The following RRP1B variants were observed in gnomAD, a reference collection of about 807,000 sequenced individuals.
RRP1B encodes ribosomal RNA processing protein 1 homolog B.
Under a neutral mutation model 80.2 loss-of-function variants are expected in RRP1B, and 56 were observed. The ratio of observed to expected loss-of-function variants is 0.70; its 90% confidence interval spans 0.56 to 0.87. RRP1B has a LOEUF of 0.87. Among genes scored for constraint, RRP1B ranks in the 40% least tolerant of loss-of-function variants. The pLI is 0.00. For missense variants in RRP1B, 807 were observed against 939.8 expected (o/e 0.86, Z 1.85); for synonymous variants, 351 against 357.6 (o/e 0.98, Z 0.21).
chr21:43,688,291 G>C (rs1184638389), intron 13 of RRP1B, 51 bp downstream of exon 13: 1 of 1,475,298 alleles, frequency 6.8e-7, no homozygotes, highest in Non-Finnish European at 9.0e-7. Flanking sequence ...ACTCACTCGC[G>C]TCCATGGGGC....
chr21:43,659,568 T>G lies in RRP1B; in HGVS notation c.-97T>G. 8.1e-7 allele frequency: 1 copy of G among 1,231,036 alleles called. No homozygotes were observed. The highest frequency in any genetic ancestry group is 3.0e-5 in the South Asian group (1 of 33,262). The allele number at this position is 1,231,036 out of a possible 1,614,324, so 76.3% of individuals were successfully genotyped here. ...GCCGCCGCCGCCGCCTTCTGTGCAG[T>G]CGCGGCCCGGGCGGACGGTGGCTGG... On this transcript the variant is annotated 5_prime_UTR_variant, in exon 1 of 16. Transcript: ENST00000340648. This position sits in a 1 kb window ranked among gnomAD's most constrained non-coding sequence, Gnocchi z 4.2.
intron 1 of RRP1B, among the ~76,000 whole-genome samples, chr21:43,661,805 G>C (rs1213657275): frequency 1.3e-5 from 2 of 152,164 alleles, no homozygotes; most frequent in Non-Finnish European, 2.9e-5. Flanking sequence ...AACAGAATCG[G>C]TGATGGTTCT....
rs2083010358 is a variant in RRP1B, at chr21:43,673,927, A to G, written c.329A>G (p.Asp110Gly). 1.2e-6 allele frequency: 2 copies of G among 1,613,562 alleles called. No individual in the cohort carries two copies. The highest frequency in any genetic ancestry group is 8.5e-7 in the Non-Finnish European group (1 of 1,179,704). The change falls in exon 4 of 16, where the codon GAC (aspartate) becomes GGC (glycine). Residue 110 changes from aspartate (D) to glycine (G), a missense_variant. Physicochemically the swap from Asp to Gly is moderately conservative, Grantham distance 94. Coordinates refer to ENST00000340648, the MANE Select transcript of RRP1B (RefSeq NM_015056.3). ...ATGAATCGAGAATGGAAAGGAATAG[A>G]CAGGCTACGCCTGGACAAATACTAT... Reference protein sequence around the residue: ...QTMNREWKGIDRLRLDKYYML... With the variant: ...QTMNREWKGIGRLRLDKYYML...
At position 43,690,346 on chromosome 21, in the gene RRP1B, T is replaced by C. The variant is rs2083081650; in HGVS notation, c.1925T>C (p.Phe642Ser). 6.2e-7 allele frequency: 1 copy of C among 1,614,178 alleles called. No homozygotes were observed. Among genetic ancestry groups the C allele is most frequent in the African/African-American group, 1.3e-5 (1 of 75,042 alleles). ...CAGAAGCTGAGGGCAGAGAGCGACT[T>C]TGTGAAGTTTGACACCCCCTTCTTA... The part of the protein sequence containing the change: ...KKQKLRAESD[F>S]VKFDTPFLPK... Residue 642 changes from phenylalanine (F) to serine (S), a missense_variant, in exon 14 of 16, where the codon TTT becomes TCT. Physicochemically the swap from Phe to Ser is radical, Grantham distance 155 (BLOSUM62 -2). Coordinates refer to ENST00000340648, the MANE Select transcript of RRP1B (RefSeq NM_015056.3).
At chr21:43,675,211 G>A in intron 6 of RRP1B, 48 bp downstream of exon 6, 1 of 1,594,026 alleles carries the variant, frequency 6.3e-7, no homozygotes, top group South Asian at 1.1e-5. Flanking sequence ...GGCCGCCAGT[G>A]TTCGCAGTAG....
chr21:43,686,743 G>GC, intron 11 of RRP1B, 61 bp from the exon 12 acceptor site: 2 of 1,597,580 alleles, frequency 1.3e-6, no homozygotes, highest in South Asian at 1.1e-5. Context: ...CTGCTCTTAG[G>GC]CCCCTGGGGC....
intron 1 of RRP1B, among the ~76,000 whole-genome samples, chr21:43,664,261 G>C (rs866789971): frequency 6.6e-6 from 1 of 151,038 alleles, no homozygotes; most frequent in Non-Finnish European, 1.5e-5. Flanking sequence ...ACCTGAACCC[G>C]GGAGGCAGTG....
At chr21:43,674,055 A>G in intron 4 of RRP1B, 100 bp downstream of exon 4, 1 of 870,110 alleles carries the variant, frequency 1.1e-6, no homozygotes, top group Non-Finnish European at 1.8e-6. Flanking sequence ...AAAACAAGCC[A>G]CAGGCTTAGT....
At chr21:43,663,613 A>C (rs2082966865) in intron 1 of RRP1B, among the ~76,000 whole-genome samples, 1 of 152,010 alleles carries the variant, frequency 6.6e-6, no homozygotes, top group Non-Finnish European at 1.5e-5. Context: ...GCTGGAGTGC[A>C]GTGGCACAAT....
At position 43,685,827 on chromosome 21, in the gene RRP1B, C is replaced by T. The variant is rs17004604; in HGVS notation, c.1009+38C>T. 6.3e-3 allele frequency: 9,962 copies of T among 1,585,336 alleles called. 550 individuals carry two copies. In the African/African-American group the frequency reaches 0.12, roughly 18 times the overall value. On this transcript the variant is annotated intron_variant, in intron 11 of 15. Coordinates refer to ENST00000340648, the MANE Select transcript of RRP1B (RefSeq NM_015056.3). ...AAGAATCATCATTCATGGTGTTTTT[C>T]GTGAATATGGACCCCACTGGGGGCG...
chr21:43,670,851 A>C (rs1413885335), intron 2 of RRP1B, among the ~76,000 whole-genome samples: 1 of 152,198 alleles, frequency 6.6e-6, no homozygotes, highest in African/African-American at 2.4e-5. Flanking sequence ...TCCTCAGGGC[A>C]AGATTTTACT....
intron 10 of RRP1B, among the ~76,000 whole-genome samples, chr21:43,685,339 C>T (rs558531433): frequency 3.3e-5 from 5 of 152,328 alleles, no homozygotes; most frequent in Admixed American, 1.3e-4. Flanking sequence ...CCCCACACTG[C>T]GCTTCGATGC....
At chr21:43,692,845 A>C (rs1453901626) in intron 15 of RRP1B, among the ~76,000 whole-genome samples, 1 of 152,160 alleles carries the variant, frequency 6.6e-6, no homozygotes, top group East Asian at 1.9e-4. Flanking sequence ...AGCTCCACAT[A>C]GCACAGATTT....
At chr21:43,674,024 G>A (rs2083011007) in intron 4 of RRP1B, 69 bp downstream of exon 4, 7 of 1,187,780 alleles carry the variant, frequency 5.9e-6, no homozygotes, top group Non-Finnish European at 8.5e-6. Flanking sequence ...TAAAAACAAT[G>A]GGAAGGTTTA....
At chr21:43,674,988 G>A (rs777250086) in intron 5 of RRP1B, 46 bp from the exon 6 acceptor site, 46 of 1,607,192 alleles carry the variant, frequency 2.9e-5, no homozygotes, top group East Asian at 8.9e-5. Context: ...GAAGTGGGAC[G>A]TGTTGGCATA....
At chr21:43,682,248 C>T (rs1388096076) in intron 8 of RRP1B, among the ~76,000 whole-genome samples, 1 of 152,192 alleles carries the variant, frequency 6.6e-6, no homozygotes, top group African/African-American at 2.4e-5. Flanking sequence ...CTAACCTGGA[C>T]ACAGACTCTC....
rs184775389 is a variant in RRP1B at position 43,691,878 on chromosome 21, C to A, written c.2083+376C>A. Among the ~76,000 whole-genome samples the A allele has an allele frequency of 6.6e-6, 1 of 152,092 alleles. No individual in the cohort carries two copies. Among genetic ancestry groups the A allele is most frequent in the Non-Finnish European group, 1.5e-5 (1 of 68,026 alleles). On this transcript the variant is annotated intron_variant, in intron 15 of 15. Transcript: ENST00000340648. This position sits in a 1 kb window ranked among gnomAD's most constrained non-coding sequence, Gnocchi z 4.2. Reference sequence around the variant, plus strand: ...GCCAGGCTGGTCTCAAACTCCTGACCTCAGGTGATCTGCCTGCCTCGGCCT... The same window carrying A: ...GCCAGGCTGGTCTCAAACTCCTGACATCAGGTGATCTGCCTGCCTCGGCCT...
intron 10 of RRP1B, among the ~76,000 whole-genome samples, chr21:43,684,871 C>T (rs949213381): frequency 6.6e-6 from 1 of 152,202 alleles, no homozygotes; most frequent in African/African-American, 2.4e-5. Flanking sequence ...CCATACTCAT[C>T]TCTTAGCTGC....
chr21:43,686,447 A>G (rs2083063392), intron 11 of RRP1B: 2 of 200,798 alleles, frequency 1.0e-5, no homozygotes, highest in South Asian at 2.2e-4. Context: ...AAGCTTTGTT[A>G]CATTTGGACA....
Sources: gnomAD v4.1 joint callset for allele counts (sites outside exome capture counted in the v4.1 genomes callset) on GRCh38, gnomAD v4.1.1 for gene constraint, Gnocchi (gnomAD v3.1) non-coding constraint, MANE v1.5 for transcripts, NCBI Gene and HGNC (gene_info 2026-07-23, HGNC 2026-07-21) for gene names.